Variants in MAP3K7 observed in about 807,000 individuals in gnomAD.
MAP3K7 encodes mitogen-activated protein kinase kinase kinase 7, also known as TGF-beta activated kinase 1.
In MAP3K7, 21 loss-of-function variants were observed where a neutral mutation model predicts 84.8. That is an observed-to-expected ratio of 0.25 (90% CI 0.18 to 0.36). The LOEUF is 0.36. Among genes scored for constraint, MAP3K7 ranks in the 10% least tolerant of loss-of-function variants. MAP3K7 has a pLI of 1.00. For missense variants in MAP3K7, 503 were observed against 747.7 expected, an observed-to-expected ratio of 0.67 and a Z score of 3.82; for synonymous variants, 241 against 247.7, an observed-to-expected ratio of 0.97 and a Z score of 0.25.
At chr6:90,549,683 C>T (rs750805143) in intron 9 of MAP3K7, among the ~76,000 whole-genome samples, 8 of 152,160 alleles carry the variant, frequency 5.3e-5, no homozygotes, top group South Asian at 4.1e-4. Flanking sequence ...GTTTAGAGGA[C>T]GTGGGAGACA....
chr6:90,542,560 C>T (rs1351849193), intron 12 of MAP3K7: 2 of 860,666 alleles, frequency 2.3e-6, no homozygotes, highest in Non-Finnish European at 2.8e-6. Context: ...ATTACTCTAG[C>T]TTCTCTGACT....
At position 90,547,278 on chromosome 6, in the gene MAP3K7, G is replaced by A; in HGVS notation, c.1190C>T (p.Ala397Val). 6.2e-7 allele frequency: 1 copy of A among 1,613,452 alleles called. No homozygotes were observed. Among genetic ancestry groups the A allele is most frequent in the Non-Finnish European group, 8.5e-7 (1 of 1,179,658 alleles). ...RMSADMSEIE[A>V]RIAATTAYSK... ...TTTACCTGTGGTTGCGGCGATCCTA[G>A]CTTCTATTTCAGACATGTCAGCACT... Residue 397 changes from alanine to valine, a missense_variant, in exon 11 of 17, where the codon GCT becomes GTT. Ala to Val is a moderately conservative substitution (Grantham distance 64, BLOSUM62 0). Transcript: ENST00000369329.
At chr6:90,533,942 T>C (rs1182718098) in intron 13 of MAP3K7, among the ~76,000 whole-genome samples, 2 of 152,210 alleles carry the variant, frequency 1.3e-5, no homozygotes, top group East Asian at 3.9e-4. Flanking sequence ...AAAAACCATG[T>C]TTGAAAGTGA....
intron 12 of MAP3K7, among the ~76,000 whole-genome samples, chr6:90,540,449 CTG>C (rs1775819457): frequency 6.6e-6 from 1 of 151,770 alleles, no homozygotes; most frequent in Admixed American, 6.6e-5. Flanking sequence ...TTAAAAATGT[CTG>C]TAATTTAGAA....
intron 13 of MAP3K7, among the ~76,000 whole-genome samples, chr6:90,524,446 A>G (rs1775256453): frequency 6.6e-6 from 1 of 152,208 alleles, no homozygotes; most frequent in Non-Finnish European, 1.5e-5. Context: ...CATGGAACGT[A>G]TACATTCAAA....
chr6:90,526,217 A>T (rs1265863750), intron 13 of MAP3K7, among the ~76,000 whole-genome samples: 1 of 152,194 alleles, frequency 6.6e-6, no homozygotes, highest in African/African-American at 2.4e-5. Context: ...AAACACACAC[A>T]GTAAAACTTG....
chr6:90,564,173 T>G (rs1039233550), intron 3 of MAP3K7, among the ~76,000 whole-genome samples: 1 of 152,034 alleles, frequency 6.6e-6, no homozygotes, highest in Admixed American at 6.5e-5. Context: ...ACAAGCAAAA[T>G]AACCAGCTAA....
At chr6:90,547,222 A>G in intron 11 of MAP3K7, 36 bp downstream of exon 11, 1 of 1,610,816 alleles carries the variant, frequency 6.2e-7, no homozygotes, top group East Asian at 2.2e-5. Flanking sequence ...AGGCTTATAT[A>G]CATTTTCACT....
chr6:90,521,020 A>G (rs1775131161), intron 14 of MAP3K7, among the ~76,000 whole-genome samples: 1 of 152,120 alleles, frequency 6.6e-6, no homozygotes, highest in African/African-American at 2.4e-5. Context: ...TAAGCTTAAT[A>G]CATCAGTGTT....
At position 90,560,126 on chromosome 6, in the gene MAP3K7, A is replaced by G; in HGVS notation, c.432T>C (p.Leu144=). ...TTAGCGCTTTGGGTTGCATGCTGTGAAGATAAGCCACTCCTTGGGAACACT... is the reference window on the plus strand; with the variant it reads ...TTAGCGCTTTGGGTTGCATGCTGTGGAGATAAGCCACTCCTTGGGAACACT... ...CLQCSQGVAY[L]HSMQPKALIH... Residue 144 remains leucine (L), a synonymous_variant, in exon 5 of 17, where the codon CTT becomes CTC. Coordinates refer to ENST00000369329, the MANE Select transcript of MAP3K7 (RefSeq NM_145331.3). 6.2e-7 allele frequency: 1 copy of G among 1,614,160 alleles called. No homozygotes were observed. Among genetic ancestry groups the G allele is most frequent in the East Asian group, 2.2e-5 (1 of 44,884 alleles).
chr6:90,565,781 T>C lies in MAP3K7; in HGVS notation c.297+2777A>G, dbSNP rs1014470282. Among the ~76,000 whole-genome samples, 81 of 152,156 alleles carry C rather than the reference T, an allele frequency of 5.3e-4. 1 individual carries two copies. The highest frequency in any genetic ancestry group is 8.8e-5 in the Non-Finnish European group (6 of 68,036). On this transcript the variant is annotated intron_variant, in intron 3 of 16. Coordinates refer to ENST00000369329, the MANE Select transcript of MAP3K7 (RefSeq NM_145331.3). Reference sequence around the variant, plus strand: ...ACAAAAAAAGAGAGTTTTAGACCAATATCCCTGATGAACATCGATGCAAAA... The same window carrying C: ...ACAAAAAAAGAGAGTTTTAGACCAACATCCCTGATGAACATCGATGCAAAA...
intron 13 of MAP3K7, among the ~76,000 whole-genome samples, chr6:90,528,517 TTA>T (rs1422007046): frequency 6.6e-6 from 1 of 152,212 alleles, no homozygotes; most frequent in Non-Finnish European, 1.5e-5. Flanking sequence ...AGTGCTAAAA[TTA>T]TATGATTTTA....
At chr6:90,547,124 A>C in intron 11 of MAP3K7, 134 bp downstream of exon 11, 1 of 903,912 alleles carries the variant, frequency 1.1e-6, no homozygotes, top group African/African-American at 1.7e-5. Flanking sequence ...TAACTTAGAA[A>C]AATATATTGT....
chr6:90,548,770 G>A (rs1776086435), intron 9 of MAP3K7, among the ~76,000 whole-genome samples: 1 of 150,614 alleles, frequency 6.6e-6, no homozygotes, highest in Admixed American at 6.7e-5. Context: ...GACGGCCAGA[G>A]ATGTAAGATG....
chr6:90,523,411 G>C (rs768487566), intron 14 of MAP3K7, among the ~76,000 whole-genome samples: 3 of 151,588 alleles, frequency 2.0e-5, no homozygotes, highest in African/African-American at 7.3e-5. Context: ...AATTCAATAC[G>C]CTTCGCAACT....
At chr6:90,536,548 G>GAAA in intron 12 of MAP3K7, 147 bp from the exon 13 acceptor site, 9 of 430,936 alleles carry the variant, frequency 2.1e-5, no homozygotes, top group Admixed American at 3.8e-5. Flanking sequence ...TTATTGCTAA[G>GAAA]AAAAAAAAAA....
intron 14 of MAP3K7, among the ~76,000 whole-genome samples, chr6:90,519,796 T>C (rs1775088737): frequency 6.6e-6 from 1 of 151,990 alleles, no homozygotes; most frequent in Admixed American, 6.6e-5. Flanking sequence ...TGGATCATTT[T>C]CAATTTATAT....
At chr6:90,544,677 C>G (rs35976045) in intron 11 of MAP3K7, 45 bp from the exon 12 acceptor site, 16,328 of 1,454,782 alleles carry the variant, frequency 0.011, 130 homozygotes, top group Admixed American at 0.014. Context: ...CAACCACAAA[C>G]AGTAACACGG....
chr6:90,549,046 G>C (rs1776095064), intron 9 of MAP3K7, among the ~76,000 whole-genome samples: 1 of 152,104 alleles, frequency 6.6e-6, no homozygotes, highest in Admixed American at 6.6e-5. Flanking sequence ...GTATGTTTTA[G>C]GAATGATCCA....
Sources: gnomAD v4.1 joint callset for allele counts (sites outside exome capture counted in the v4.1 genomes callset) on GRCh38, gnomAD v4.1.1 for gene constraint, MANE v1.5 for transcripts, NCBI Gene and HGNC (gene_info 2026-07-23, HGNC 2026-07-21) for gene names.